The following PRKN variants were observed in gnomAD, a reference collection of about 807,000 sequenced individuals.
PRKN encodes E3 ubiquitin-protein ligase parkin.
Under a neutral mutation model 59.5 loss-of-function variants are expected in PRKN, and 56 were observed. The observed-to-expected ratio is 0.94, with a 90% confidence interval of 0.76 to 1.18. The LOEUF is 1.18. PRKN is among the 50% of genes most tolerant of loss of function. The probability of loss-of-function intolerance (pLI) is 0.00; values close to 1 mark genes in which losing one functional copy is unlikely to be tolerated. For missense variants in PRKN, 657 were observed against 596.4 expected (o/e 1.10, Z -1.06); for synonymous variants, 250 against 222.1 (o/e 1.13, Z -1.12).
Position 162,229,366 on chromosome 6 carries a change from T to C in PRKN, c.413-28114A>G, listed in dbSNP as rs145477494. On this transcript the variant is annotated intron_variant, in intron 3 of 11. Coordinates refer to ENST00000366898, the MANE Select transcript of PRKN (RefSeq NM_004562.3). ...CTGTAGGTTTTATCATCAAGATCACTCCAGAATGAGACCACCTCTCACCAC... is the reference window on the plus strand; with the variant it reads ...CTGTAGGTTTTATCATCAAGATCACCCCAGAATGAGACCACCTCTCACCAC... Among the ~76,000 whole-genome samples the C allele has an allele frequency of 9.9e-5, 15 of 152,230 alleles. No homozygotes were observed. The East Asian group carries it at 2.9e-3, about 29-fold the overall frequency.
chr6:161,794,291 T>C (rs1001733805), intron 6 of PRKN, among the ~76,000 whole-genome samples: 1 of 152,160 alleles, frequency 6.6e-6, no homozygotes, highest in South Asian at 2.1e-4. Context: ...ACAGGTGCTA[T>C]AAAAATAATT....
In PRKN at chr6:161,350,117, G is replaced by GT. The variant is rs779138830; in HGVS notation, c.1379dup (p.Asp460GlufsTer109). ...GCCCTGGCTACACGTCGAACCAGTG[G>GT]TCCCCCATGCAGACGCGGTTCCACT... On this transcript the variant is annotated frameshift_variant, in exon 12 of 12. Transcript: ENST00000366898. LOFTEE classifies it high-confidence loss of function. 1 of 1,613,196 alleles carries GT rather than the reference G, an allele frequency of 6.2e-7. No individual in the cohort carries two copies. Among genetic ancestry groups the GT allele is most frequent in the East Asian group, 2.2e-5 (1 of 44,872 alleles).
intron 1 of PRKN, among the ~76,000 whole-genome samples, chr6:162,511,059 G>A (rs947826817): frequency 6.6e-6 from 1 of 151,956 alleles, no homozygotes; most frequent in Non-Finnish European, 1.5e-5. Flanking sequence ...CATTTATAAA[G>A]ACCAATAGCA....
chr6:161,703,236 T>G (rs1314473629), intron 7 of PRKN, among the ~76,000 whole-genome samples: 3 of 151,984 alleles, frequency 2.0e-5, no homozygotes, highest in Non-Finnish European at 2.9e-5. Context: ...CCTAGGAGTT[T>G]GAGGCTACAG....
intron 11 of PRKN, among the ~76,000 whole-genome samples, 191 bp from the exon 12 acceptor site, chr6:161,350,402 T>C (rs1186679265): frequency 2.6e-5 from 4 of 151,770 alleles, no homozygotes; most frequent in Admixed American, 6.6e-5. Flanking sequence ...AAAGTGATGA[T>C]ATTCATTAAG....
chr6:161,579,752 G>A lies in PRKN; in HGVS notation c.872-10336C>T, dbSNP rs926522886. Among the ~76,000 whole-genome samples, 6 of 152,074 alleles carry A rather than the reference G, an allele frequency of 3.9e-5. No individual in the cohort carries two copies. Among genetic ancestry groups the A allele is most frequent in the African/African-American group, 7.2e-5 (3 of 41,400 alleles). On this transcript the variant is annotated intron_variant, in intron 7 of 11. Transcript: ENST00000366898. The surrounding 1 kb of genome is among the most constrained non-coding windows in gnomAD (Gnocchi z 4.2). ...CTGGGGGTAAAGTGGAATGGGGCAG[G>A]GGAACAGAAAAGAGTTTATAGTTTT...
intron 4 of PRKN, among the ~76,000 whole-genome samples, chr6:162,067,430 G>A (rs1373022296): frequency 2.0e-5 from 3 of 152,100 alleles, no homozygotes; most frequent in Non-Finnish European, 1.5e-5. Flanking sequence ...GACATAGGAA[G>A]ATAAATAAGT....
intron 9 of PRKN, among the ~76,000 whole-genome samples, chr6:161,500,225 C>T (rs981788890): frequency 2.0e-5 from 3 of 152,130 alleles, no homozygotes; most frequent in Non-Finnish European, 4.4e-5. Flanking sequence ...CTCCCCTCTC[C>T]CCTATACATG....
At chr6:161,540,986 G>T (rs1779596324) in intron 9 of PRKN, among the ~76,000 whole-genome samples, 1 of 152,190 alleles carries the variant, frequency 6.6e-6, no homozygotes, top group African/African-American at 2.4e-5. Context: ...TCAAGAAATT[G>T]CTTTATTTCT....
At position 161,550,726 on chromosome 6, in the gene PRKN, TGTGTGTGTGCAC is replaced by T. The variant is rs932806257; in HGVS notation, c.934-1735_934-1724del. On this transcript the variant is annotated intron_variant, in intron 8 of 11. Coordinates refer to ENST00000366898, the MANE Select transcript of PRKN (RefSeq NM_004562.3). This position sits in a 1 kb window ranked among gnomAD's most constrained non-coding sequence, Gnocchi z 4.0. ...CAACTGTGGTAGAAGAAAGGGTATG[TGTGTGTGTGCAC>T]GTGTGTGTGTGTGTGTGTGTGTGTA... is the stretch of plus-strand genomic sequence containing the variant. Among the ~76,000 whole-genome samples the T allele has an allele frequency of 2.2e-5, 3 of 134,130 alleles. No individual in the cohort carries two copies. The highest frequency in any genetic ancestry group is 8.9e-5 in the African/African-American group (3 of 33,890). 88.0% of individuals were successfully genotyped at this position (134,130 alleles called of 152,430 possible).
intron 4 of PRKN, among the ~76,000 whole-genome samples, chr6:162,177,396 G>C (rs1022737692): frequency 6.6e-6 from 1 of 152,136 alleles, no homozygotes; most frequent in Non-Finnish European, 1.5e-5. Context: ...GCTTGTATCA[G>C]CGGTTTCTAC....
At chr6:162,712,607 A>G (rs891548496) in intron 1 of PRKN, among the ~76,000 whole-genome samples, 1 of 152,226 alleles carries the variant, frequency 6.6e-6, no homozygotes, top group African/African-American at 2.4e-5. Flanking sequence ...GCCAGTCTCC[A>G]TGATATAAAC....
At chr6:161,416,243 C>A (rs769294931) in intron 9 of PRKN, among the ~76,000 whole-genome samples, 3 of 152,124 alleles carry the variant, frequency 2.0e-5, no homozygotes, top group Non-Finnish European at 4.4e-5. Context: ...AGCTAACAGA[C>A]GCACTGCCTG....
intron 1 of PRKN, among the ~76,000 whole-genome samples, chr6:162,509,601 T>G (rs2023000): frequency 0.02 from 3,100 of 152,108 alleles, 58 homozygotes; most frequent in African/African-American, 0.053. Context: ...AAAAATAAAT[T>G]AGTTTGAAAG....
intron 1 of PRKN, among the ~76,000 whole-genome samples, chr6:162,717,555 G>A (rs889589073): frequency 2.4e-5 from 3 of 126,774 alleles, no homozygotes; most frequent in African/African-American, 9.1e-5. Flanking sequence ...GACAGAGGGA[G>A]ATCTTGTCTC....
intron 1 of PRKN, among the ~76,000 whole-genome samples, chr6:162,605,811 C>T (rs1781891953): frequency 2.0e-5 from 3 of 152,084 alleles, no homozygotes; most frequent in Non-Finnish European, 4.4e-5. Flanking sequence ...GTCTAGTGTA[C>T]AAATTTTAAG....
At chr6:161,381,042 T>G (rs1785959875) in intron 10 of PRKN, among the ~76,000 whole-genome samples, 1 of 152,238 alleles carries the variant, frequency 6.6e-6, no homozygotes, top group Admixed American at 6.5e-5. Flanking sequence ...TTTGTTGTTC[T>G]GTTTGTTTTA....
At chr6:162,603,080 T>A (rs551825236) in intron 1 of PRKN, among the ~76,000 whole-genome samples, 13 of 152,272 alleles carry the variant, frequency 8.5e-5, no homozygotes, top group African/African-American at 3.1e-4. Context: ...AAGGATTTTT[T>A]CTTTTGGTTC....
At chr6:162,122,769 A>C (rs1258192023) in intron 4 of PRKN, among the ~76,000 whole-genome samples, 1 of 150,118 alleles carries the variant, frequency 6.7e-6, no homozygotes, top group Non-Finnish European at 1.5e-5. Context: ...TCTGATATAT[A>C]TTTGAATTCT....
Sources: allele counts gnomAD v4.1 joint callset (sites outside exome capture counted in the v4.1 genomes callset), GRCh38; gene constraint gnomAD v4.1.1; non-coding constraint Gnocchi (gnomAD v3.1); transcripts MANE v1.5; gene names NCBI Gene and HGNC (gene_info 2026-07-23, HGNC 2026-07-21).